NEK5: variants seen among roughly 807,000 people sequenced by gnomAD.
The protein encoded by NEK5 is serine/threonine-protein kinase Nek5.
Under a neutral mutation model 109.2 loss-of-function variants are expected in NEK5, and 88 were observed. That is an observed-to-expected ratio of 0.81 (90% CI 0.68 to 0.96). NEK5 has a LOEUF of 0.96. NEK5 is among the 40% of genes least tolerant of loss of function. The pLI is 0.00. For synonymous variants in NEK5, 283 were observed against 299.9 expected, an observed-to-expected ratio of 0.94 and a Z score of 0.58; for missense variants, 834 against 920.7, an observed-to-expected ratio of 0.91 and a Z score of 1.22.
chr13:52,088,294 G>A (rs145101645), intron 14 of NEK5, among the ~76,000 whole-genome samples: 2,635 of 150,604 alleles, frequency 0.017, 56 homozygotes, highest in African/African-American at 0.058. Context: ...TCGTTCTGTC[G>A]CCCAGGCTAG....
chr13:52,086,846 C>T (rs772184771), intron 15 of NEK5, among the ~76,000 whole-genome samples: 2 of 152,132 alleles, frequency 1.3e-5, no homozygotes, highest in Non-Finnish European at 2.9e-5. Flanking sequence ...GGAAGAACAG[C>T]ATGTGATGAA....
rs1313528223 is a variant in NEK5 at position 52,102,205 on chromosome 13, G to C, written c.697C>G (p.His233Asp). Residue 233 changes from histidine (H) to aspartate (D), a missense_variant, in exon 10 of 24, where the codon CAT becomes GAT. Around this residue, in one of 2 missense-constraint regions of NEK5, gnomAD observed 777 missense variants for 824.7 expected, o/e 0.94. Transcript: ENST00000684899. ...PISPGFSREL[H>D]SLISQLFQVS... Reference sequence around the variant, plus strand: ...TGAAAGAGCTGAGATATCAAGGAATGGAGCTCACGAGAAAACCCCGGAGAT... The same window carrying C: ...TGAAAGAGCTGAGATATCAAGGAATCGAGCTCACGAGAAAACCCCGGAGAT... 3 of 1,613,788 alleles carry C rather than the reference G, an allele frequency of 1.9e-6. No homozygotes were observed. The highest frequency in any genetic ancestry group is 2.5e-6 in the Non-Finnish European group (3 of 1,179,660).
At chr13:52,128,750 C>A (rs1372844725) in intron 1 of NEK5, 2 of 152,204 alleles carry the variant, frequency 1.3e-5, no homozygotes, top group African/African-American at 4.8e-5. Context: ...GTGGAAGCCC[C>A]CAAATTAGGA....
At chr13:52,086,231 G>A in intron 16 of NEK5, 46 bp downstream of exon 16, 1 of 1,149,938 alleles carries the variant, frequency 8.7e-7, no homozygotes, top group East Asian at 2.3e-5. Flanking sequence ...AATTTAGTTA[G>A]CTCTAAATCG....
chr13:52,064,217 G>A (rs1593927102), intron 21 of NEK5, among the ~76,000 whole-genome samples: 1 of 145,384 alleles, frequency 6.9e-6, no homozygotes, highest in Non-Finnish European at 1.5e-5. Flanking sequence ...CCCCGTCCGG[G>A]AGGGAGGTGG....
intron 17 of NEK5, among the ~76,000 whole-genome samples, chr13:52,076,369 T>C (rs922975239): frequency 6.6e-6 from 1 of 152,182 alleles, no homozygotes; most frequent in Non-Finnish European, 1.5e-5. Context: ...TACTTATCAC[T>C]CCAGTCCACT....
At chr13:52,069,513 C>CTTATATATCCCTATATA (rs1340180472) in intron 20 of NEK5, among the ~76,000 whole-genome samples, 1 of 152,186 alleles carries the variant, frequency 6.6e-6, no homozygotes, top group Non-Finnish European at 1.5e-5. Context: ...TGATATGCCC[C>CTTATATATCCCTATATA]AGGCCTTCAG....
intron 16 of NEK5, among the ~76,000 whole-genome samples, chr13:52,084,767 GTGTGTGTGTGTGTGTGTGT>G (rs1955102706): frequency 2.4e-5 from 1 of 42,096 alleles, no homozygotes; most frequent in South Asian, 7.6e-4. Flanking sequence ...GAGAGAGTGT[GTGTGTGTGTGTGTGTGTGT>G]GTGTGTGTGT....
At chr13:52,075,939 C>T in intron 18 of NEK5, 113 bp from the exon 19 acceptor site, 1 of 910,408 alleles carries the variant, frequency 1.1e-6, no homozygotes, top group Non-Finnish European at 1.7e-6. Flanking sequence ...CCATTGGTCT[C>T]ATATCACAAA....
chr13:52,080,988 T>TG lies in NEK5; in HGVS notation c.1572+2271_1572+2272insC, dbSNP rs1955001156. 6.8e-5 allele frequency among the ~76,000 whole-genome samples: 10 copies of TG among 146,090 alleles called. No individual in the cohort carries two copies. In the South Asian group the frequency reaches 2.2e-3, roughly 32 times the overall value. ...TTAAAGAAATAAAAAATATGTCATT[T>TG]AAAAAAAAAAAAGGTAATCTGAGAC... On this transcript the variant is annotated intron_variant, in intron 17 of 23. Coordinates refer to ENST00000684899, the MANE Select transcript of NEK5 (RefSeq NM_001365552.1).
intron 20 of NEK5, among the ~76,000 whole-genome samples, chr13:52,067,196 A>C (rs1484261852): frequency 6.6e-6 from 1 of 152,148 alleles, no homozygotes; most frequent in Non-Finnish European, 1.5e-5. Flanking sequence ...GCCACTTAAG[A>C]AGCTCCAGGA....
intron 8 of NEK5, among the ~76,000 whole-genome samples, chr13:52,107,606 A>T (rs943201613): frequency 2.0e-5 from 3 of 152,160 alleles, no homozygotes; most frequent in African/African-American, 7.2e-5. Context: ...AAATAAAAAA[A>T]AAAAAGCCAG....
intron 19 of NEK5, among the ~76,000 whole-genome samples, chr13:52,075,496 G>T (rs918939460): frequency 6.6e-6 from 1 of 152,132 alleles, no homozygotes; most frequent in Admixed American, 6.6e-5. Context: ...TACAGTGGGG[G>T]TAAGAAAGGA....
At chr13:52,046,378 G>C (rs139798533) in intron 23 of NEK5, among the ~76,000 whole-genome samples, 154 of 150,794 alleles carry the variant, frequency 1.0e-3, no homozygotes, top group African/African-American at 3.5e-3. Flanking sequence ...TCAGGAGGCT[G>C]AGAGGCAGGA....
chr13:52,046,980 G>A (rs1343352945), intron 23 of NEK5, among the ~76,000 whole-genome samples: 1 of 152,076 alleles, frequency 6.6e-6, no homozygotes, highest in Non-Finnish European at 1.5e-5. Flanking sequence ...AAATAAAGAT[G>A]GCTCTTTAGC....
rs546441654 is a variant in NEK5, at chr13:52,117,132, T to G, written c.214+2187A>C. Among the ~76,000 whole-genome samples, 66 of 152,294 alleles carry G rather than the reference T, an allele frequency of 4.3e-4. 1 individual carries two copies. Among genetic ancestry groups the G allele is most frequent in the Middle Eastern group, 6.8e-3 (2 of 292 alleles). ...AGACGGGGTTTCACCATGGCCAGGC[T>G]GGTCTTGAACTCCTGACCTCAGGTG... is the stretch of plus-strand genomic sequence containing the variant. On this transcript the variant is annotated intron_variant, in intron 4 of 23. Coordinates refer to ENST00000684899, the MANE Select transcript of NEK5 (RefSeq NM_001365552.1).
rs976617582 is a variant in NEK5 at position 52,035,917 on chromosome 13, A to AT, written c.*1030dup. 2.0e-5 allele frequency: 3 copies of AT among 151,370 alleles called. No individual in the cohort carries two copies. Among genetic ancestry groups the AT allele is most frequent in the Non-Finnish European group, 4.4e-5 (3 of 67,904 alleles). The allele number at this position is 151,370 out of a possible 1,614,324, so 9.4% of individuals were successfully genotyped here. On this transcript the variant is annotated 3_prime_UTR_variant, in exon 24 of 24. Coordinates refer to ENST00000684899, the MANE Select transcript of NEK5 (RefSeq NM_001365552.1). ...AAATCACAGTTTTGTAAAACGGCAG[A>AT]TTATGTTAAATGAGTGAACCTGTAT...
At chr13:52,046,057 C>T (rs1372523395) in intron 23 of NEK5, among the ~76,000 whole-genome samples, 4 of 128,996 alleles carry the variant, frequency 3.1e-5, no homozygotes, top group East Asian at 2.2e-4. Context: ...GGCAACAGAG[C>T]GAGACTCCAT....
chr13:52,043,785 AT>A (rs1451876644), intron 23 of NEK5, among the ~76,000 whole-genome samples: 1 of 152,248 alleles, frequency 6.6e-6, no homozygotes, highest in Non-Finnish European at 1.5e-5. Flanking sequence ...AAAACTGACC[AT>A]ACCAAGTGTT....
Sources: gnomAD v4.1 joint callset for allele counts (sites outside exome capture counted in the v4.1 genomes callset) on GRCh38, gnomAD v4.1.1 for gene constraint, gnomAD v4.1.1 regional missense constraint, MANE v1.5 for transcripts, NCBI Gene and HGNC (gene_info 2026-07-23, HGNC 2026-07-21) for gene names.